Variants in UACA observed in about 807,000 individuals in gnomAD.
UACA encodes the protein uveal autoantigen with coiled-coil domains and ankyrin repeats.
In UACA, 112 loss-of-function variants were observed where a neutral mutation model predicts 160.5. The ratio of observed to expected loss-of-function variants is 0.70; its 90% CI spans 0.60 to 0.82. The LOEUF is 0.82. UACA is among the 40% of genes least tolerant of loss of function. The pLI is 0.00. For synonymous variants in UACA, 557 were observed against 568.4 expected (o/e 0.98, Z 0.29); for missense variants, 1,574 against 1,614.6 (o/e 0.97, Z 0.43).
intron 1 of UACA, among the ~76,000 whole-genome samples, chr15:70,750,730 G>A (rs2029997064): frequency 1.3e-5 from 2 of 152,146 alleles, no homozygotes; most frequent in South Asian, 2.1e-4. Context: ...AATTAGTCAG[G>A]CATGGTGGCG....
rs371244195 is a variant in UACA, at chr15:70,657,336, C to T, written c.4180-209G>A. 1.4e-4 allele frequency among the ~76,000 whole-genome samples: 21 copies of T among 152,260 alleles called. No individual in the cohort carries two copies. The South Asian group carries it at 3.9e-3, about 29-fold the overall frequency. On this transcript the variant is annotated intron_variant, in intron 18 of 18. Transcript: ENST00000322954. ...AATTAATAAGGAGTGCACGGCCGGGCGTGGTGGCTCACGCCTGCAATCCCA... is the reference window on the plus strand; with the variant it reads ...AATTAATAAGGAGTGCACGGCCGGGTGTGGTGGCTCACGCCTGCAATCCCA...
intron 1 of UACA, among the ~76,000 whole-genome samples, chr15:70,723,909 G>A (rs762339073): frequency 6.6e-5 from 10 of 152,154 alleles, no homozygotes; most frequent in Admixed American, 2.0e-4. Context: ...TGGGATTACA[G>A]GCGTGAGCCA....
At chr15:70,772,492 CAAAAA>C in the UACA span, among the ~76,000 whole-genome samples, 2,526 of 49,484 alleles carry the variant, frequency 0.051, 64 homozygotes, top group African/African-American at 0.13. Context: ...GCCTCCATCT[CAAAAA>C]AAAAAAAAAA....
At chr15:70,778,341 G>A in the UACA span, among the ~76,000 whole-genome samples, 1 of 152,222 alleles carries the variant, frequency 6.6e-6, no homozygotes, top group Admixed American at 6.5e-5. Context: ...ACACAGCTCT[G>A]TAAGTTAGAA....
rs753147635 is a variant in UACA at position 70,699,648 on chromosome 15, A to T, written c.91T>A (p.Trp31Arg). The T allele has an allele frequency of 6.2e-7, 1 of 1,611,788 alleles. No homozygotes were observed. The highest frequency in any genetic ancestry group is 8.5e-7 in the Non-Finnish European group (1 of 1,179,402). ...ATCAATCGGTCATCATATTTATTCC[A>T]ATCTGCTGCATGCTACAAAAAGGAA... The part of the protein sequence containing the change: ...AAAASAHAAD[W>R]NKYDDRLMKA... The change falls in exon 2 of 19, where the codon TGG (tryptophan) becomes AGG (arginine). Residue 31 changes from tryptophan to arginine, a missense_variant. Coordinates refer to ENST00000322954, the MANE Select transcript of UACA (RefSeq NM_018003.4).
rs535732662 is a variant in UACA at position 70,746,107 on chromosome 15, T to C, written c.78+17223A>G. Among the ~76,000 whole-genome samples the C allele has an allele frequency of 3.0e-4, 45 of 152,206 alleles. No homozygotes were observed. In the South Asian group the frequency reaches 8.9e-3, roughly 30 times the overall value. ...TTCATGACTAAAACACCAAAAGCAA[T>C]GGCAACAAAAGCCAAAACTGACAAA... On this transcript the variant is annotated intron_variant, in intron 1 of 18. Transcript: ENST00000322954.
intron 18 of UACA, 91 bp downstream of exon 18, chr15:70,660,060 A>G: frequency 9.7e-7 from 1 of 1,035,660 alleles, no homozygotes; most frequent in Non-Finnish European, 1.4e-6. Flanking sequence ...AGCTACTTTA[A>G]ACATCAATTA....
chr15:70,766,393 C>T (rs2031009165), upstream of UACA, among the ~76,000 whole-genome samples: 1 of 151,388 alleles, frequency 6.6e-6, no homozygotes, highest in Non-Finnish European at 1.5e-5. Flanking sequence ...CCTAGATGAC[C>T]TTTTGTTTGT....
chr15:70,713,645 G>A (rs1318914538), intron 1 of UACA, among the ~76,000 whole-genome samples: 1 of 152,096 alleles, frequency 6.6e-6, no homozygotes, highest in African/African-American at 2.4e-5. Context: ...AAGGATTAAG[G>A]CAACTGTAGT....
At chr15:70,700,192 G>A (rs1356107175) in intron 1 of UACA, among the ~76,000 whole-genome samples, 2 of 151,226 alleles carry the variant, frequency 1.3e-5, no homozygotes, top group South Asian at 2.1e-4. Context: ...ATAGCTCCTA[G>A]GACTCTTAGA....
Position 70,676,657 on chromosome 15 carries a change from T to G in UACA, c.1033-66A>C, listed in dbSNP as rs1432393680. 4 of 1,372,950 alleles carry G rather than the reference T, an allele frequency of 2.9e-6. No individual in the cohort carries two copies. In the African/African-American group the frequency reaches 5.7e-5, roughly 20 times the overall value. The allele number at this position is 1,372,950 out of a possible 1,614,324, so 85.0% of individuals were successfully genotyped here. Reference sequence around the variant, plus strand: ...CTTGGAATTGGATTAAAAATGTGTTTTAGAAAACGTGAATTGGAATTGCAT... The same window carrying G: ...CTTGGAATTGGATTAAAAATGTGTTGTAGAAAACGTGAATTGGAATTGCAT... On this transcript the variant is annotated intron_variant, in intron 12 of 18. Coordinates refer to ENST00000322954, the MANE Select transcript of UACA (RefSeq NM_018003.4).
At chr15:70,770,066 A>G in the UACA span, among the ~76,000 whole-genome samples, 1 of 152,238 alleles carries the variant, frequency 6.6e-6, no homozygotes, top group Admixed American at 6.5e-5. Flanking sequence ...ACTGCATGAT[A>G]TAATACATGG....
chr15:70,674,443 GGT>G (rs1897242849), intron 13 of UACA, among the ~76,000 whole-genome samples: 1 of 151,984 alleles, frequency 6.6e-6, no homozygotes, highest in South Asian at 2.1e-4. Flanking sequence ...TAAGATTATA[GGT>G]GTCTTTTGCA....
At chr15:70,657,251 T>C (rs1269777158) in intron 18 of UACA, 124 bp from the exon 19 acceptor site, 6 of 746,924 alleles carry the variant, frequency 8.0e-6, no homozygotes, top group African/African-American at 3.5e-5. Flanking sequence ...ATCCTCATCA[T>C]TGTGATTTCT....
At chr15:70,753,239 T>C (rs1465655809) in intron 1 of UACA, among the ~76,000 whole-genome samples, 1 of 152,106 alleles carries the variant, frequency 6.6e-6, no homozygotes, top group African/African-American at 2.4e-5. Context: ...AGCACAGAAA[T>C]ATGTTCACCC....
intron 1 of UACA, 49 bp from the exon 2 acceptor site, chr15:70,699,709 G>A: frequency 6.3e-7 from 1 of 1,583,684 alleles, no homozygotes; most frequent in Non-Finnish European, 8.6e-7. Flanking sequence ...CATTAGTTAA[G>A]ATTTTTCTAA....
At chr15:70,770,127 C>T in the UACA span, among the ~76,000 whole-genome samples, 2 of 152,208 alleles carry the variant, frequency 1.3e-5, no homozygotes, top group African/African-American at 4.8e-5. Context: ...GAACCATTCC[C>T]TTCCCTTTCT....
At chr15:70,724,575 G>GAAAACTGGTGA (rs370636236) in intron 1 of UACA, among the ~76,000 whole-genome samples, 250 of 152,120 alleles carry the variant, frequency 1.6e-3, no homozygotes, top group African/African-American at 5.4e-3. Context: ...ACTTTTCAAG[G>GAAAACTGGTGA]AAAACTGGTG....
chr15:70,740,613 G>A (rs1441103961), intron 1 of UACA, among the ~76,000 whole-genome samples: 4 of 138,338 alleles, frequency 2.9e-5, no homozygotes, highest in African/African-American at 8.3e-5. Context: ...ACTCCAGCCT[G>A]GGTGACAAAG....
Sources: allele counts gnomAD v4.1 joint callset (sites outside exome capture counted in the v4.1 genomes callset), GRCh38; gene constraint gnomAD v4.1.1; transcripts MANE v1.5; gene names NCBI Gene and HGNC (gene_info 2026-07-23, HGNC 2026-07-21).